The following IL1RAPL1 variants were observed in gnomAD, a reference collection of about 807,000 sequenced individuals.
IL1RAPL1 encodes the protein interleukin-1 receptor accessory protein-like 1.
A neutral mutation model predicts 48.4 loss-of-function variants in IL1RAPL1; 3 were observed. That is an observed-to-expected ratio of 0.06 (90% CI 0.03 to 0.16). The LOEUF is 0.16. IL1RAPL1 is among the 10% of genes least tolerant of loss of function. The pLI is 1.00. For missense variants in IL1RAPL1, 349 were observed against 530.6 expected, an observed-to-expected ratio of 0.66 and a Z score of 3.36; for synonymous variants, 185 against 187.7, an observed-to-expected ratio of 0.99 and a Z score of 0.12.
At chrX:29,802,943 GTATGCATATA>G (rs1930015082) in intron 6 of IL1RAPL1, among the ~76,000 whole-genome samples, 113 of 75,997 alleles carry the variant, frequency 1.5e-3, no homozygotes, top group African/African-American at 6.0e-3. Context: ...GTGTACATAT[GTATGCATATA>G]TGTATACATG....
intron 1 of IL1RAPL1, among the ~76,000 whole-genome samples, chrX:28,672,010 G>A (rs1363233735): frequency 2.7e-5 from 3 of 112,225 alleles, no homozygotes; most frequent in Non-Finnish European, 5.6e-5. Flanking sequence ...TTTATATTCA[G>A]TAGTGTTTTT....
At chrX:29,939,090 C>G (rs1268660951) in intron 8 of IL1RAPL1, among the ~76,000 whole-genome samples, 1 of 111,816 alleles carries the variant, frequency 8.9e-6, no homozygotes, top group Non-Finnish European at 1.9e-5. Flanking sequence ...TTCTCTTGGA[C>G]AAATACCTAG....
At chrX:29,168,185 GT>G (rs1427131353) in intron 2 of IL1RAPL1, among the ~76,000 whole-genome samples, 2 of 109,018 alleles carry the variant, frequency 1.8e-5, no homozygotes, top group African/African-American at 6.6e-5. Flanking sequence ...TTTCTTTTTG[GT>G]GACAGCATTC....
chrX:29,252,241 T>A (rs1415076131), intron 2 of IL1RAPL1, among the ~76,000 whole-genome samples: 1 of 109,556 alleles, frequency 9.1e-6, no homozygotes, highest in Non-Finnish European at 1.9e-5. Context: ...ATTGTGCACA[T>A]GTACCCTAAA....
At position 28,938,653 on chromosome X, in the gene IL1RAPL1, G is replaced by T. The variant is rs775673895; in HGVS notation, c.82+149228G>T. Among the ~76,000 whole-genome samples the T allele has an allele frequency of 2.7e-5, 3 of 111,069 alleles. No individual in the cohort carries two copies. The Admixed American group carries it at 2.9e-4, about 11-fold the overall frequency. On this transcript the variant is annotated intron_variant, in intron 2 of 10. Transcript: ENST00000378993. ...TGACAAAGATGCCAAAAGCAATTGCGACAAAAGCAAAAAATTGAAAAACGG... is the reference window on the plus strand; with the variant it reads ...TGACAAAGATGCCAAAAGCAATTGCTACAAAAGCAAAAAATTGAAAAACGG...
chrX:29,857,779 G>A (rs967107925), intron 6 of IL1RAPL1, among the ~76,000 whole-genome samples: 5 of 111,479 alleles, frequency 4.5e-5, no homozygotes, highest in African/African-American at 1.3e-4. Flanking sequence ...AACCTAAATG[G>A]TTTTACACTA....
At chrX:29,333,374 C>T (rs1224870848) in intron 3 of IL1RAPL1, among the ~76,000 whole-genome samples, 2 of 107,474 alleles carry the variant, frequency 1.9e-5, no homozygotes, top group Non-Finnish European at 3.9e-5. Context: ...CGCCCCTCAC[C>T]TCCTGGATAG....
intron 6 of IL1RAPL1, among the ~76,000 whole-genome samples, chrX:29,906,375 C>A (rs1160968247): frequency 1.0e-5 from 1 of 95,570 alleles, no homozygotes; most frequent in Admixed American, 1.2e-4. Context: ...CATAAAAAAG[C>A]AGGAATCCAA....
intron 2 of IL1RAPL1, among the ~76,000 whole-genome samples, chrX:29,076,960 A>G (rs1250347958): frequency 8.9e-6 from 1 of 112,168 alleles, no homozygotes; most frequent in African/African-American, 3.2e-5. Context: ...CTAAAAGATT[A>G]CTCTGGGTAT....
intron 3 of IL1RAPL1, among the ~76,000 whole-genome samples, chrX:29,292,671 T>C (rs1044954067): frequency 9.0e-6 from 1 of 111,440 alleles, no homozygotes; most frequent in Non-Finnish European, 1.9e-5. Flanking sequence ...TACCCAGTAA[T>C]TTTAATGATT....
At chrX:29,392,237 G>A (rs973971294) in intron 3 of IL1RAPL1, among the ~76,000 whole-genome samples, 4 of 112,335 alleles carry the variant, frequency 3.6e-5, no homozygotes, top group Non-Finnish European at 5.6e-5. Context: ...AACAATAAAA[G>A]CTGAGTAAAT....
intron 2 of IL1RAPL1, among the ~76,000 whole-genome samples, chrX:29,088,778 T>C (rs1031324317): frequency 3.7e-5 from 4 of 108,052 alleles, no homozygotes; most frequent in African/African-American, 1.3e-4. Flanking sequence ...AACTAACACA[T>C]AGTGCTTTGC....
chrX:28,839,800 C>G (rs996329803), intron 2 of IL1RAPL1, among the ~76,000 whole-genome samples: 1 of 110,473 alleles, frequency 9.1e-6, no homozygotes, highest in Non-Finnish European at 1.9e-5. Context: ...AGGATGTAAG[C>G]CTGACACCCA....
intron 5 of IL1RAPL1, among the ~76,000 whole-genome samples, chrX:29,646,336 A>G (rs189978228): frequency 1.6e-4 from 18 of 112,342 alleles, no homozygotes; most frequent in African/African-American, 5.8e-4. Flanking sequence ...GAGAGAATCA[A>G]CAAAAGTATT....
At chrX:29,529,277 A>G (rs1935586817) in intron 5 of IL1RAPL1, among the ~76,000 whole-genome samples, 1 of 111,597 alleles carries the variant, frequency 9.0e-6, no homozygotes, top group Non-Finnish European at 1.9e-5. Context: ...ATCAATTAAC[A>G]AAATTAGAAT....
At chrX:29,211,306 C>CA (rs1267889910) in intron 2 of IL1RAPL1, among the ~76,000 whole-genome samples, 1 of 111,991 alleles carries the variant, frequency 8.9e-6, no homozygotes, top group East Asian at 2.8e-4. Flanking sequence ...ATTATTTGTT[C>CA]AATGCTATTG....
chrX:28,839,462 T>C (rs758682320), intron 2 of IL1RAPL1, among the ~76,000 whole-genome samples: 1 of 110,937 alleles, frequency 9.0e-6, no homozygotes, highest in East Asian at 2.8e-4. Flanking sequence ...GCATCATTTG[T>C]TTAGTGAAAC....
At chrX:28,893,358 G>A (rs1238331948) in intron 2 of IL1RAPL1, among the ~76,000 whole-genome samples, 2 of 110,911 alleles carry the variant, frequency 1.8e-5, no homozygotes, top group East Asian at 2.8e-4. Context: ...AATACTAAGA[G>A]CCTGAGAAAC....
chrX:29,005,921 C>A (rs1210317711), intron 2 of IL1RAPL1, among the ~76,000 whole-genome samples: 1 of 111,896 alleles, frequency 8.9e-6, no homozygotes, highest in Non-Finnish European at 1.9e-5. Context: ...GAATTTACTA[C>A]AATATACTCT....
Sources: gnomAD v4.1 joint callset for allele counts (sites outside exome capture counted in the v4.1 genomes callset) on GRCh38, gnomAD v4.1.1 for gene constraint, MANE v1.5 for transcripts, NCBI Gene and HGNC (gene_info 2026-07-23, HGNC 2026-07-21) for gene names.